Variants in RUBCNL observed in about 807,000 individuals in gnomAD.
The protein encoded by RUBCNL is rubicon like autophagy enhancer, also known as protein associated with UVRAG as autophagy enhancer.
RUBCNL carries 62 observed loss-of-function variants against 69.5 expected under a neutral mutation model. The ratio of observed to expected loss-of-function variants is 0.89; its 90% CI spans 0.73 to 1.10. The LOEUF (loss-of-function observed/expected upper bound fraction) is 1.10, where lower values mean the gene tolerates loss of function less well. RUBCNL is among the 50% of genes least tolerant of loss of function. The pLI is 0.00. For synonymous variants in RUBCNL, 291 were observed against 303.6 expected (o/e 0.96, Z 0.43); for missense variants, 768 against 798.1 (o/e 0.96, Z 0.45).
At chr13:46,381,977 T>G (rs962294670) in intron 1 of RUBCNL, among the ~76,000 whole-genome samples, 3 of 152,136 alleles carry the variant, frequency 2.0e-5, no homozygotes, top group Non-Finnish European at 4.4e-5. Context: ...CAATTTTTTA[T>G]TTTTGTAGAG....
Position 46,343,428 on chromosome 13 carries a change from G to A in RUBCNL, c.1946C>T (p.Ala649Val), listed in dbSNP as rs751428059. The change falls in exon 15 of 15, where the codon GCG becomes GTG. Residue 649 changes from alanine (A) to valine (V), a missense_variant. Coordinates refer to ENST00000429979, the MANE Select transcript of RUBCNL (RefSeq NM_025113.5). ...SECPRCARIT[A>V]RRKLLESVAS... The stretch of plus-strand genomic sequence containing the variant: ...CACACTTTCCAGAAGTTTTCTCCTC[G>A]CTGTGATCCTCGCACACCGGGGGCA... 8.7e-6 allele frequency: 14 copies of A among 1,613,728 alleles called. No homozygotes were observed. Among genetic ancestry groups the A allele is most frequent in the Middle Eastern group, 1.6e-4 (1 of 6,084 alleles).
In RUBCNL at chr13:46,339,688, G is replaced by A. The variant is rs750862463; in HGVS notation, c.*3697C>T. Among the ~76,000 whole-genome samples the A allele has an allele frequency of 6.6e-6, 1 of 152,006 alleles. No individual in the cohort carries two copies. Among genetic ancestry groups the A allele is most frequent in the Non-Finnish European group, 1.5e-5 (1 of 67,976 alleles). ...AGCCTTGCCAACATGGTGAAAACCCGTCTCTACTAAAAATACAAAAATTAT... is the reference window on the plus strand; with the variant it reads ...AGCCTTGCCAACATGGTGAAAACCCATCTCTACTAAAAATACAAAAATTAT... On this transcript the variant is annotated 3_prime_UTR_variant, in exon 15 of 15. Coordinates refer to ENST00000429979, the MANE Select transcript of RUBCNL (RefSeq NM_025113.5).
chr13:46,372,561 C>A lies in RUBCNL; in HGVS notation c.-86G>T. The A allele has an allele frequency of 6.7e-7, 1 of 1,495,246 alleles. No homozygotes were observed. Among genetic ancestry groups the A allele is most frequent in the Non-Finnish European group, 8.9e-7 (1 of 1,118,476 alleles). 92.6% of individuals were successfully genotyped at this position (1,495,246 alleles called of 1,614,324 possible). On this transcript the variant is annotated 5_prime_UTR_variant, in exon 3 of 15. Transcript: ENST00000429979. Reference sequence around the variant, plus strand: ...GGTACTACTTGATTTGGGCCCTGAACTCACCACATGGCCAGCTGGGGGTCT... The same window carrying A: ...GGTACTACTTGATTTGGGCCCTGAAATCACCACATGGCCAGCTGGGGGTCT...
At position 46,343,207 on chromosome 13, in the gene RUBCNL, C is replaced by T; in HGVS notation, c.*178G>A. 1 of 1,053,062 alleles carries T rather than the reference C, an allele frequency of 9.5e-7. No individual in the cohort carries two copies. The highest frequency in any genetic ancestry group is 1.4e-6 in the Non-Finnish European group (1 of 740,086). 65.2% of individuals were successfully genotyped at this position (1,053,062 alleles called of 1,614,324 possible). A position where few individuals can be genotyped will look rare whatever the true frequency, so the allele number is the denominator to read the frequency against. On this transcript the variant is annotated 3_prime_UTR_variant, in exon 15 of 15. Transcript: ENST00000429979. ...CAAAACCACAACTATCAGCCCTGTG[C>T]TTAAACACAGAATCTGCATTCTTTT...
chr13:46,370,712 A>T (rs990055644), intron 3 of RUBCNL, among the ~76,000 whole-genome samples: 2 of 152,166 alleles, frequency 1.3e-5, no homozygotes, highest in Non-Finnish European at 2.9e-5. Flanking sequence ...ACCATGATAG[A>T]ATAAAAAGTT....
rs2048501101 is a variant in RUBCNL, at chr13:46,356,999, A to G, written c.1266-503T>C. Among the ~76,000 whole-genome samples the G allele has an allele frequency of 2.7e-5, 4 of 149,724 alleles. No individual in the cohort carries two copies. The South Asian group carries it at 8.5e-4, about 32-fold the overall frequency. On this transcript the variant is annotated intron_variant, in intron 9 of 14. Coordinates refer to ENST00000429979, the MANE Select transcript of RUBCNL (RefSeq NM_025113.5). ...CTACTTCGGCCTCCCAAAGTGCTGGAATTACAGGCATGAGCCGCCGTGCCC... is the reference window on the plus strand; with the variant it reads ...CTACTTCGGCCTCCCAAAGTGCTGGGATTACAGGCATGAGCCGCCGTGCCC...
intron 8 of RUBCNL, among the ~76,000 whole-genome samples, chr13:46,360,650 C>T (rs1056246912): frequency 2.0e-5 from 3 of 152,192 alleles, no homozygotes; most frequent in African/African-American, 7.2e-5. Flanking sequence ...CCTAAGTTCC[C>T]CTGGTAAAAT....
At chr13:46,361,365 T>G in intron 8 of RUBCNL, 76 bp downstream of exon 8, 1 of 1,507,576 alleles carries the variant, frequency 6.6e-7, no homozygotes, top group Non-Finnish European at 9.1e-7. Flanking sequence ...GAAAGACAAA[T>G]GTTTAAAGTG....
chr13:46,350,671 G>C (rs1182765375), intron 10 of RUBCNL: 1 of 260,404 alleles, frequency 3.8e-6, no homozygotes, highest in East Asian at 7.6e-5. Flanking sequence ...CTGGAAATCT[G>C]GGTGGGAGTC....
At chr13:46,384,061 C>T (rs894047148) in intron 1 of RUBCNL, among the ~76,000 whole-genome samples, 3 of 152,196 alleles carry the variant, frequency 2.0e-5, no homozygotes, top group Non-Finnish European at 4.4e-5. Flanking sequence ...ACATGTCTAC[C>T]TCCCTGAGCC....
chr13:46,372,695 C>A (rs1475555823), intron 2 of RUBCNL, 98 bp from the exon 3 acceptor site: 1 of 1,096,886 alleles, frequency 9.1e-7, no homozygotes, highest in African/African-American at 1.6e-5. Flanking sequence ...ATTTAGAAGT[C>A]TGTACTTGGC....
chr13:46,344,923 A>C (rs2048212577), intron 13 of RUBCNL, 92 bp from the exon 14 acceptor site: 1 of 794,852 alleles, frequency 1.3e-6, no homozygotes, highest in African/African-American at 1.7e-5. Context: ...TCAGTGTTTC[A>C]GTGTCTATGA....
At chr13:46,370,009 GC>G (rs1470004926) in intron 3 of RUBCNL, among the ~76,000 whole-genome samples, 3 of 152,168 alleles carry the variant, frequency 2.0e-5, no homozygotes, top group Non-Finnish European at 4.4e-5. Context: ...CTCTTCTGCC[GC>G]TGTAGTGAGA....
intron 1 of RUBCNL, among the ~76,000 whole-genome samples, chr13:46,384,734 T>C (rs2049199479): frequency 1.3e-5 from 2 of 152,224 alleles, no homozygotes; most frequent in South Asian, 4.1e-4. Flanking sequence ...AGCCTACTGA[T>C]GACAAAAAGG....
At chr13:46,360,170 C>T (rs1403670887) in intron 8 of RUBCNL, among the ~76,000 whole-genome samples, 3 of 152,012 alleles carry the variant, frequency 2.0e-5, no homozygotes, top group African/African-American at 7.3e-5. Flanking sequence ...GGGTGGATCA[C>T]TTGAGGTCAG....
Position 46,387,166 on chromosome 13 carries a change from G to T in RUBCNL, c.-271C>A. ...AACCCGAGCGGTGGAACGCTGCGCT[G>T]GGTAAACGCCGCGCGTCGGGTCCTC... On this transcript the variant is annotated 5_prime_UTR_variant, in exon 1 of 15. Coordinates refer to ENST00000429979, the MANE Select transcript of RUBCNL (RefSeq NM_025113.5). 1.0e-6 allele frequency: 1 copy of T among 985,186 alleles called. No individual in the cohort carries two copies. Among genetic ancestry groups the T allele is most frequent in the African/African-American group, 1.7e-5 (1 of 57,314 alleles). The allele number at this position is 985,186 out of a possible 1,614,324, so 61.0% of individuals were successfully genotyped here. A position where few individuals can be genotyped will look rare whatever the true frequency, so the allele number is the denominator to read the frequency against.
chr13:46,363,073 G>T, intron 6 of RUBCNL, 42 bp downstream of exon 6: 1 of 1,257,540 alleles, frequency 8.0e-7, no homozygotes, highest in Non-Finnish European at 1.1e-6. Flanking sequence ...GGATGGGATT[G>T]GGGAGGCAGC....
intron 12 of RUBCNL, among the ~76,000 whole-genome samples, chr13:46,347,373 C>G (rs181312671): frequency 3.3e-5 from 5 of 152,052 alleles, no homozygotes; most frequent in African/African-American, 1.2e-4. Flanking sequence ...TACCACTGCA[C>G]GCCAAACTGG....
At position 46,343,381 on chromosome 13, in the gene RUBCNL, G is replaced by T; in HGVS notation, c.*4C>A. ...AACAGTCTTTTTCACAGTACTCAGG[G>T]GCATCATGTTGCTGCAGAGGCCACA... On this transcript the variant is annotated 3_prime_UTR_variant, in exon 15 of 15. Coordinates refer to ENST00000429979, the MANE Select transcript of RUBCNL (RefSeq NM_025113.5). The T allele has an allele frequency of 6.2e-7, 1 of 1,612,434 alleles. No individual in the cohort carries two copies.
Sources: gnomAD v4.1 joint callset for allele counts (sites outside exome capture counted in the v4.1 genomes callset) on GRCh38, gnomAD v4.1.1 for gene constraint, MANE v1.5 for transcripts, NCBI Gene and HGNC (gene_info 2026-07-23, HGNC 2026-07-21) for gene names.